Variants in TMPRSS11F observed in about 807,000 individuals in gnomAD.
TMPRSS11F encodes transmembrane protease serine 11F.
TMPRSS11F carries 47 observed loss-of-function variants against 60.2 expected under a neutral mutation model. The ratio of observed to expected loss-of-function variants is 0.78; its 90% CI spans 0.62 to 1.00. The LOEUF (loss-of-function observed/expected upper bound fraction) is 1.00. Ranked by LOEUF, TMPRSS11F falls within the 50% of genes least tolerant of loss-of-function variation. The probability of loss-of-function intolerance (pLI) is 0.00; values close to 1 mark genes in which losing one functional copy is unlikely to be tolerated. For missense variants in TMPRSS11F, 519 were observed against 522.9 expected, an observed-to-expected ratio of 0.99 and a Z score of 0.07; for synonymous variants, 166 against 167.3, an observed-to-expected ratio of 0.99 and a Z score of 0.06.
chr4:68,086,856 G>C (rs892427725), intron 3 of TMPRSS11F, among the ~76,000 whole-genome samples: 10 of 152,020 alleles, frequency 6.6e-5, no homozygotes, highest in Non-Finnish European at 4.4e-5. Flanking sequence ...CCAATAATGA[G>C]TTCTGAAACT....
Position 68,072,481 on chromosome 4 carries a change from TCTGGA to T in TMPRSS11F, c.351_355del (p.Ser117ArgfsTer2). Reference sequence around the variant, plus strand: ...TATAAGAATATCCACACCTTGTTCATCTGGACTGAAGAACAAAAAAGCAGATAAAA... The same window carrying T: ...TATAAGAATATCCACACCTTGTTCATCTGAAGAACAAAAAAGCAGATAAAA... On this transcript the variant is annotated frameshift_variant and splice_region_variant, in exon 5 of 10. Coordinates refer to ENST00000356291, the MANE Select transcript of TMPRSS11F (RefSeq NM_207407.2). LOFTEE classifies it high-confidence loss of function. The T allele has an allele frequency of 6.5e-6, 10 of 1,538,988 alleles. No individual in the cohort carries two copies. The highest frequency in any genetic ancestry group is 1.4e-5 in the African/African-American group (1 of 72,886).
chr4:68,098,730 A>G (rs1724128702), intron 2 of TMPRSS11F, among the ~76,000 whole-genome samples, 157 bp downstream of exon 2: 1 of 152,236 alleles, frequency 6.6e-6, no homozygotes, highest in African/African-American at 2.4e-5. Flanking sequence ...TATGTAACAC[A>G]GAGCTCAATA....
chr4:68,122,135 A>T (rs1724636309), intron 1 of TMPRSS11F, among the ~76,000 whole-genome samples: 1 of 152,234 alleles, frequency 6.6e-6, no homozygotes, highest in Non-Finnish European at 1.5e-5. Flanking sequence ...GATATACCAT[A>T]TAGTATAGGA....
In TMPRSS11F at chr4:68,064,909, C is replaced by A. The variant is rs771109439; in HGVS notation, c.791G>T (p.Gly264Val). The change falls in exon 8 of 10, where the codon GGT becomes GTT. Residue 264 changes from glycine to valine, a missense_variant. Gly to Val is a moderately radical substitution (Grantham distance 109). Coordinates refer to ENST00000356291, the MANE Select transcript of TMPRSS11F (RefSeq NM_207407.2). ...KDPTQWIATF[G>V]ATITPPAVKR... ...CACTGCGGGTGGTGTTATAGTTGCA[C>A]CAAAAGTAGCAATCCATTGAGTTGG... The A allele has an allele frequency of 6.2e-7, 1 of 1,613,728 alleles. No individual in the cohort carries two copies. The highest frequency in any genetic ancestry group is 1.1e-5 in the South Asian group (1 of 91,026).
At chr4:68,081,914 C>G (rs1364456860) in intron 3 of TMPRSS11F, among the ~76,000 whole-genome samples, 1 of 152,158 alleles carries the variant, frequency 6.6e-6, no homozygotes, top group East Asian at 1.9e-4. Context: ...CACTCACCTC[C>G]TCTCTTTGCC....
At chr4:68,110,866 C>T (rs1365872045) in intron 1 of TMPRSS11F, among the ~76,000 whole-genome samples, 1 of 152,054 alleles carries the variant, frequency 6.6e-6, no homozygotes, top group Admixed American at 6.6e-5. Context: ...AAATGTTTTT[C>T]TGCTTTCTTA....
chr4:68,056,699 A>G (rs1723054968), intron 9 of TMPRSS11F, among the ~76,000 whole-genome samples: 1 of 144,750 alleles, frequency 6.9e-6, no homozygotes, highest in South Asian at 2.2e-4. Context: ...TTAAATCCAT[A>G]TAGAAGCAAA....
chr4:68,055,449 G>C (rs931381913), intron 9 of TMPRSS11F, among the ~76,000 whole-genome samples: 3 of 152,154 alleles, frequency 2.0e-5, no homozygotes, highest in Admixed American at 6.5e-5. Flanking sequence ...AAAGAAAGGA[G>C]AAATGGTGAT....
intron 3 of TMPRSS11F, among the ~76,000 whole-genome samples, chr4:68,087,989 G>A (rs1231287468): frequency 6.6e-6 from 1 of 150,726 alleles, no homozygotes; most frequent in Non-Finnish European, 1.5e-5. Flanking sequence ...TTGTTCTTGC[G>A]ATAGTTTACT....
intron 7 of TMPRSS11F, 96 bp downstream of exon 7, chr4:68,068,522 A>G: frequency 9.7e-7 from 1 of 1,026,844 alleles, no homozygotes; most frequent in East Asian, 2.4e-5. Context: ...AATGGAGCAA[A>G]GGTTAAACTG....
intron 2 of TMPRSS11F, among the ~76,000 whole-genome samples, chr4:68,091,747 A>ATCTC (rs372346277): frequency 0.028 from 2,004 of 71,064 alleles, 44 homozygotes; most frequent in African/African-American, 0.076. Context: ...TTAATCTCTA[A>ATCTC]TCTCTCTCTC....
intron 3 of TMPRSS11F, among the ~76,000 whole-genome samples, chr4:68,074,782 GGCAC>G (rs1489042300): frequency 6.6e-6 from 1 of 152,120 alleles, no homozygotes; most frequent in Non-Finnish European, 1.5e-5. Context: ...TGGCTATTGA[GGCAC>G]TGCCTTTTTG....
Position 68,098,963 on chromosome 4 carries a change from C to T in TMPRSS11F, c.87G>A (p.Arg29=). The T allele has an allele frequency of 6.2e-7, 1 of 1,613,118 alleles. No homozygotes were observed. Among genetic ancestry groups the T allele is most frequent in the Non-Finnish European group, 8.5e-7 (1 of 1,179,492 alleles). The change falls in exon 2 of 10, where the codon CGG becomes CGA. Residue 29 remains arginine, a synonymous_variant. Coordinates refer to ENST00000356291, the MANE Select transcript of TMPRSS11F (RefSeq NM_207407.2). ...CAATTGCTAATGTGAAAAGAGCTAG[C>T]CGTACTGAGTCCCAAAATTGCTGCT... The part of the protein sequence containing the change: ...QRKQQFWDSV[R]LALFTLAIVA...
chr4:68,090,510 CTG>C lies in TMPRSS11F; in HGVS notation c.282+11_282+12del. On this transcript the variant is annotated intron_variant, in intron 3 of 9. Transcript: ENST00000356291. ...ACACATTAATAAACATTTAAAATTT[CTG>C]TTGAGCTTACCATTCTTTCAATCTG... 6.4e-7 allele frequency: 1 copy of C among 1,572,618 alleles called. No homozygotes were observed. The highest frequency in any genetic ancestry group is 8.6e-7 in the Non-Finnish European group (1 of 1,163,106).
rs571243526 is a variant in TMPRSS11F at position 68,117,208 on chromosome 4, T to C, written c.11+12602A>G. ...ATTGGCCAGGCGCGGTGGCTCACGC[T>C]TGTAATCTCAGCACTTTGGGAGGCC... On this transcript the variant is annotated intron_variant, in intron 1 of 9. Transcript: ENST00000356291. 4.6e-5 allele frequency among the ~76,000 whole-genome samples: 7 copies of C among 151,860 alleles called. No homozygotes were observed. The South Asian group carries it at 1.5e-3, about 32-fold the overall frequency.
chr4:68,061,637 C>T (rs74668780), intron 8 of TMPRSS11F, among the ~76,000 whole-genome samples: 6,841 of 152,196 alleles, frequency 0.045, 456 homozygotes, highest in African/African-American at 0.14. Flanking sequence ...TACAGCTTAT[C>T]TGCTGTGTTT....
At chr4:68,090,924 T>TA (rs554705890) in intron 2 of TMPRSS11F, among the ~76,000 whole-genome samples, 4 of 152,158 alleles carry the variant, frequency 2.6e-5, no homozygotes, top group Non-Finnish European at 5.9e-5. Context: ...AGTGGAAAGA[T>TA]AATATCGAAA....
intron 3 of TMPRSS11F, among the ~76,000 whole-genome samples, chr4:68,075,443 C>T (rs1472037331): frequency 1.3e-5 from 2 of 152,044 alleles, no homozygotes; most frequent in East Asian, 3.9e-4. Flanking sequence ...CAATCTTACC[C>T]CTTCATTGGC....
intron 1 of TMPRSS11F, among the ~76,000 whole-genome samples, chr4:68,100,865 T>C (rs866813414): frequency 2.0e-5 from 3 of 152,304 alleles, no homozygotes; most frequent in Middle Eastern, 6.8e-3. Flanking sequence ...TATGTACTCA[T>C]GTGAAACACC....
Sources: gnomAD v4.1 joint callset for allele counts (sites outside exome capture counted in the v4.1 genomes callset) on GRCh38, gnomAD v4.1.1 for gene constraint, MANE v1.5 for transcripts, NCBI Gene and HGNC (gene_info 2026-07-23, HGNC 2026-07-21) for gene names.